The following TANC2 variants were observed in gnomAD, a reference collection of about 807,000 sequenced individuals.
The protein encoded by TANC2 is protein TANC2.
In TANC2, 26 loss-of-function variants were observed where a neutral mutation model predicts 210.5. That is an observed-to-expected ratio of 0.12 (90% CI 0.09 to 0.17). TANC2 has a LOEUF of 0.17. Ranked by LOEUF, TANC2 falls within the 10% of genes least tolerant of loss-of-function variation. The pLI, the probability that TANC2 is intolerant of heterozygous loss-of-function variation, is 1.00. For synonymous variants in TANC2, 931 were observed against 967.1 expected (o/e 0.96, Z 0.69); for missense variants, 2,129 against 2,608.9 (o/e 0.82, Z 4.01).
intron 9 of TANC2, among the ~76,000 whole-genome samples, chr17:63,285,785 G>T (rs1205929287): frequency 6.6e-6 from 1 of 152,192 alleles, no homozygotes; most frequent in Admixed American, 6.5e-5. Context: ...TTATTGGCGT[G>T]TGGTCATACA....
At chr17:63,121,629 T>G (rs1423338280) in intron 4 of TANC2, among the ~76,000 whole-genome samples, 1 of 152,174 alleles carries the variant, frequency 6.6e-6, no homozygotes, top group Non-Finnish European at 1.5e-5. Flanking sequence ...ATTTTTATTT[T>G]ATAATAAAAA....
intron 9 of TANC2, among the ~76,000 whole-genome samples, chr17:63,297,385 A>G (rs1238627866): frequency 6.6e-6 from 1 of 151,622 alleles, no homozygotes; most frequent in Admixed American, 6.6e-5. Flanking sequence ...CCAATGTAAT[A>G]CAGTTGAAAG....
chr17:63,017,800 T>C (rs1412205225), intron 2 of TANC2, among the ~76,000 whole-genome samples: 1 of 152,172 alleles, frequency 6.6e-6, no homozygotes, highest in Admixed American at 6.5e-5. Context: ...TAATGAAAAA[T>C]GTTTCTTATA....
At chr17:63,268,103 A>G (rs2043584551) in intron 9 of TANC2, among the ~76,000 whole-genome samples, 2 of 152,190 alleles carry the variant, frequency 1.3e-5, no homozygotes, top group Admixed American at 1.3e-4. Context: ...ATTTGGAAGC[A>G]TTAGTTCCTC....
chr17:63,212,666 A>G (rs1339414334), intron 7 of TANC2, among the ~76,000 whole-genome samples: 2 of 152,210 alleles, frequency 1.3e-5, no homozygotes, highest in African/African-American at 4.8e-5. Context: ...TCCTGGCCTC[A>G]AACGATACTC....
intron 14 of TANC2, among the ~76,000 whole-genome samples, chr17:63,355,898 A>T (rs1211348772): frequency 6.6e-6 from 1 of 152,208 alleles, no homozygotes; most frequent in African/African-American, 2.4e-5. Flanking sequence ...CCTAGCTGAA[A>T]AAGATTTGAA....
intron 10 of TANC2, among the ~76,000 whole-genome samples, chr17:63,315,090 C>T (rs2045273039): frequency 6.6e-6 from 1 of 152,150 alleles, no homozygotes; most frequent in Non-Finnish European, 1.5e-5. Context: ...TGTTGCACTG[C>T]TTGGACTTGA....
At chr17:63,114,180 A>T (rs1474193054) in intron 4 of TANC2, among the ~76,000 whole-genome samples, 1 of 152,204 alleles carries the variant, frequency 6.6e-6, no homozygotes, top group Non-Finnish European at 1.5e-5. Flanking sequence ...TATCATTTAG[A>T]GGTAGCATCA....
In TANC2 at chr17:63,411,986, TC is replaced by T. The variant is rs768748393; in HGVS notation, c.3766-10del. The T allele has an allele frequency of 3.1e-6, 5 of 1,613,846 alleles. No homozygotes were observed. The highest frequency in any genetic ancestry group is 4.2e-6 in the Non-Finnish European group (5 of 1,179,828). On this transcript the variant is annotated splice_polypyrimidine_tract_variant and intron_variant, in intron 22 of 27. Coordinates refer to ENST00000689528, the Ensembl canonical transcript of TANC2. ...CGCCTGTCCTAACTTCTCTGCTTGATCCGTGTCCTAGGTCCAGTTCCTGGTA... is the reference window on the plus strand; with the variant it reads ...CGCCTGTCCTAACTTCTCTGCTTGATCGTGTCCTAGGTCCAGTTCCTGGTA...
chr17:63,087,159 A>G (rs922326958), intron 3 of TANC2, among the ~76,000 whole-genome samples: 3 of 152,194 alleles, frequency 2.0e-5, no homozygotes, highest in African/African-American at 7.2e-5. Context: ...CCAAATCCGG[A>G]CACACTGTAA....
At chr17:63,336,538 T>C (rs2046034712) in intron 11 of TANC2, among the ~76,000 whole-genome samples, 1 of 152,262 alleles carries the variant, frequency 6.6e-6, no homozygotes, top group Non-Finnish European at 1.5e-5. Context: ...AGAGATTTTA[T>C]ACACAAGGCT....
chr17:63,337,787 G>A (rs1052534092), intron 11 of TANC2, among the ~76,000 whole-genome samples: 4 of 151,900 alleles, frequency 2.6e-5, no homozygotes, highest in Admixed American at 6.6e-5. Context: ...TCCGCCCTCC[G>A]GTAGGCCCCA....
intron 8 of TANC2, among the ~76,000 whole-genome samples, chr17:63,265,499 T>C (rs2043496936): frequency 6.6e-6 from 1 of 152,196 alleles, no homozygotes; most frequent in Non-Finnish European, 1.5e-5. Context: ...TAGGATATCC[T>C]AATACAAAGG....
intron 5 of TANC2, among the ~76,000 whole-genome samples, chr17:63,176,758 A>C (rs2040595247): frequency 6.7e-6 from 1 of 148,512 alleles, no homozygotes; most frequent in Admixed American, 6.8e-5. Context: ...GTGAGCCGAG[A>C]TCGTGCAGCT....
At chr17:63,051,068 T>C (rs1430566992) in intron 2 of TANC2, among the ~76,000 whole-genome samples, 4 of 152,202 alleles carry the variant, frequency 2.6e-5, no homozygotes, top group African/African-American at 9.6e-5. Context: ...GGTTATCTTT[T>C]GAAAACACCT....
intron 8 of TANC2, among the ~76,000 whole-genome samples, chr17:63,239,911 A>AG (rs1245736023): frequency 3.3e-5 from 5 of 152,124 alleles, no homozygotes; most frequent in Admixed American, 6.6e-5. Context: ...CCAAAGCAGG[A>AG]GGAAGAGCAG....
chr17:63,395,708 T>A (rs1185771010), intron 17 of TANC2, 35 bp from the exon 18 acceptor site: 1 of 1,599,780 alleles, frequency 6.3e-7, no homozygotes, highest in African/African-American at 1.3e-5. Context: ...GCCACAAGTC[T>A]GTGTTCACAC....
chr17:63,349,735 A>G (rs1418000591), intron 12 of TANC2, among the ~76,000 whole-genome samples: 1 of 152,146 alleles, frequency 6.6e-6, no homozygotes, highest in African/African-American at 2.4e-5. Context: ...AAATTCCTCT[A>G]TGGAAATTAA....
At chr17:63,094,692 G>A (rs951671641) in intron 3 of TANC2, among the ~76,000 whole-genome samples, 13 of 152,010 alleles carry the variant, frequency 8.6e-5, no homozygotes, top group African/African-American at 2.9e-4. Flanking sequence ...ATAATACCTC[G>A]TGATAACTGA....
Sources: allele counts gnomAD v4.1 joint callset (sites outside exome capture counted in the v4.1 genomes callset), GRCh38; gene constraint gnomAD v4.1.1; transcripts MANE v1.5; gene names NCBI Gene and HGNC (gene_info 2026-07-23, HGNC 2026-07-21).